BBX: variants seen among roughly 807,000 people sequenced by gnomAD.
The protein encoded by BBX is BBX high mobility group box domain containing.
In BBX, 30 loss-of-function variants were observed where a neutral mutation model predicts 100.2. The observed-to-expected ratio is 0.30, with a 90% CI of 0.22 to 0.41. The LOEUF is 0.41. BBX is among the 10% of genes least tolerant of loss of function. The pLI, the probability that BBX is intolerant of heterozygous loss-of-function variation, is 1.00. For missense variants in BBX, 1,023 were observed against 1,129.8 expected (o/e 0.91, Z 1.35); for synonymous variants, 376 against 388.1 (o/e 0.97, Z 0.37).
chr3:107,705,611 C>T (rs2061346240), intron 3 of BBX, among the ~76,000 whole-genome samples: 1 of 152,174 alleles, frequency 6.6e-6, no homozygotes, highest in South Asian at 2.1e-4. Flanking sequence ...TGGGAGACAT[C>T]TATGCTCCCT....
intron 3 of BBX, among the ~76,000 whole-genome samples, chr3:107,689,288 G>A (rs2060016715): frequency 6.6e-6 from 1 of 152,192 alleles, no homozygotes; most frequent in Non-Finnish European, 1.5e-5. Flanking sequence ...GATTATAGGG[G>A]AGGTTTGTAG....
At chr3:107,698,342 T>G (rs2060804912) in intron 3 of BBX, among the ~76,000 whole-genome samples, 1 of 151,764 alleles carries the variant, frequency 6.6e-6, no homozygotes, top group South Asian at 2.1e-4. Context: ...AAAAAAAATG[T>G]ATGATTGCTC....
chr3:107,721,167 T>C (rs73850133), intron 5 of BBX, among the ~76,000 whole-genome samples: 2,668 of 152,172 alleles, frequency 0.018, 75 homozygotes, highest in African/African-American at 0.061. Flanking sequence ...TAAAATTTTG[T>C]TTACATACTT....
chr3:107,524,764 T>G (rs1205786100), intron 1 of BBX, among the ~76,000 whole-genome samples: 1 of 116,306 alleles, frequency 8.6e-6, no homozygotes, highest in African/African-American at 3.4e-5. Context: ...TTAGTCCAGG[T>G]GGATCTTGTT....
chr3:107,705,859 C>G (rs1002787883), intron 3 of BBX, among the ~76,000 whole-genome samples: 11 of 152,036 alleles, frequency 7.2e-5, no homozygotes, highest in African/African-American at 2.7e-4. Context: ...GTGGTAGAGG[C>G]AGGATTCTAA....
At chr3:107,663,571 A>T (rs928433192) in intron 3 of BBX, among the ~76,000 whole-genome samples, 3 of 152,028 alleles carry the variant, frequency 2.0e-5, no homozygotes, top group Non-Finnish European at 4.4e-5. Context: ...TCTCATACTT[A>T]TGTACCCCCT....
intron 3 of BBX, among the ~76,000 whole-genome samples, chr3:107,650,026 T>C (rs1015337450): frequency 2.0e-5 from 3 of 152,230 alleles, no homozygotes; most frequent in African/African-American, 7.2e-5. Context: ...ACTGAAATTT[T>C]TTTCCTCATA....
chr3:107,630,858 A>G (rs910407147), intron 2 of BBX, among the ~76,000 whole-genome samples: 1 of 152,122 alleles, frequency 6.6e-6, no homozygotes, highest in Non-Finnish European at 1.5e-5. Flanking sequence ...GATGATGTTC[A>G]TGTTTCTTTC....
At chr3:107,671,577 G>C (rs770247479) in intron 3 of BBX, among the ~76,000 whole-genome samples, 10 of 152,064 alleles carry the variant, frequency 6.6e-5, no homozygotes, top group Non-Finnish European at 1.3e-4. Context: ...GAATGCTTTA[G>C]TTCACTGAAG....
At chr3:107,646,886 A>G (rs1013296162) in intron 3 of BBX, among the ~76,000 whole-genome samples, 1 of 152,088 alleles carries the variant, frequency 6.6e-6, no homozygotes, top group Non-Finnish European at 1.5e-5. Flanking sequence ...TATTGCTTCT[A>G]TGATGTCAGT....
intron 13 of BBX, among the ~76,000 whole-genome samples, chr3:107,780,120 T>G (rs2067724993): frequency 6.6e-6 from 1 of 152,128 alleles, no homozygotes; most frequent in African/African-American, 2.4e-5. Flanking sequence ...AATGAAATGA[T>G]AGTCTCTGTG....
chr3:107,671,608 C>T (rs1231240664), intron 3 of BBX, among the ~76,000 whole-genome samples: 14 of 152,038 alleles, frequency 9.2e-5, no homozygotes, highest in Admixed American at 9.2e-4. Flanking sequence ...CGAAGAATGA[C>T]ATGGACAAGG....
chr3:107,606,528 T>A (rs918786456), intron 2 of BBX, among the ~76,000 whole-genome samples: 14 of 152,240 alleles, frequency 9.2e-5, no homozygotes, highest in Non-Finnish European at 2.1e-4. Flanking sequence ...TTTTGAAACA[T>A]CCTTGGTTTC....
Position 107,732,070 on chromosome 3 carries a change from G to C in BBX, c.602-886G>C, listed in dbSNP as rs534790539. Among the ~76,000 whole-genome samples the C allele has an allele frequency of 3.3e-5, 5 of 151,868 alleles. No homozygotes were observed. In the East Asian group the frequency reaches 7.7e-4, roughly 24 times the overall value. On this transcript the variant is annotated intron_variant, in intron 6 of 17. Coordinates refer to ENST00000325805, the MANE Select transcript of BBX (RefSeq NM_001142568.3). ...TTCTATTTGTTCATTTAATTTTTTA[G>C]AGACAGGGTCCCACTCTGTCATCCA...
intron 2 of BBX, among the ~76,000 whole-genome samples, chr3:107,556,272 A>T (rs2050089896): frequency 6.6e-6 from 1 of 152,180 alleles, no homozygotes; most frequent in Admixed American, 6.5e-5. Flanking sequence ...GATTCAATAG[A>T]TGTTTATTGA....
At chr3:107,697,543 A>T (rs2108149285) in intron 3 of BBX, among the ~76,000 whole-genome samples, 1 of 152,034 alleles carries the variant, frequency 6.6e-6, no homozygotes, top group African/African-American at 2.4e-5. Flanking sequence ...TTGAGGAGGC[A>T]GTCTGCCCGT....
intron 2 of BBX, among the ~76,000 whole-genome samples, chr3:107,552,982 G>A (rs928083285): frequency 3.3e-5 from 5 of 152,122 alleles, no homozygotes; most frequent in Admixed American, 6.5e-5. Flanking sequence ...AATGCTATAC[G>A]TCTTTTGACT....
intron 2 of BBX, among the ~76,000 whole-genome samples, chr3:107,556,075 C>T (rs1436009669): frequency 6.6e-6 from 1 of 152,142 alleles, no homozygotes; most frequent in Non-Finnish European, 1.5e-5. Flanking sequence ...ACACCAAGTC[C>T]TTCTGTCCAC....
At chr3:107,540,994 G>A (rs986872074) in intron 2 of BBX, among the ~76,000 whole-genome samples, 3 of 152,166 alleles carry the variant, frequency 2.0e-5, no homozygotes, top group Non-Finnish European at 4.4e-5. Flanking sequence ...CAGAGTTGGG[G>A]AGAACAAACA....
Sources: gnomAD v4.1 joint callset for allele counts (sites outside exome capture counted in the v4.1 genomes callset) on GRCh38, gnomAD v4.1.1 for gene constraint, MANE v1.5 for transcripts, NCBI Gene and HGNC (gene_info 2026-07-23, HGNC 2026-07-21) for gene names.